ZNF273: variants seen among roughly 807,000 people sequenced by gnomAD.
ZNF273 encodes zinc finger protein 9.
Under a neutral mutation model 14.9 loss-of-function variants are expected in ZNF273, and 11 were observed. That is an observed-to-expected ratio of 0.74 (90% confidence interval 0.46 to 1.22). The LOEUF (loss-of-function observed/expected upper bound fraction) is 1.22. Among genes scored for constraint, ZNF273 ranks in the 50% most tolerant of loss-of-function variants. ZNF273 has a pLI of 0.00. For missense variants in ZNF273, 577 were observed against 660.6 expected (o/e 0.87, Z 1.39); for synonymous variants, 199 against 223.9 (o/e 0.89, Z 0.99).
At chr7:64,924,654 T>C (rs570013809) in intron 3 of ZNF273, among the ~76,000 whole-genome samples, 1 of 152,342 alleles carries the variant, frequency 6.6e-6, no homozygotes, top group African/African-American at 2.4e-5. Context: ...ACTTAAGATG[T>C]AGCTTGTGTA....
chr7:64,923,325 TTGTG>T (rs562829999), intron 3 of ZNF273: 7 of 454,156 alleles, frequency 1.5e-5, no homozygotes, highest in Admixed American at 2.4e-5. Flanking sequence ...GTTGTTTGTT[TTGTG>T]TGTGTGTGTG....
intron 3 of ZNF273, among the ~76,000 whole-genome samples, chr7:64,927,420 G>A (rs1358530386): frequency 1.3e-5 from 2 of 152,140 alleles, no homozygotes; most frequent in Non-Finnish European, 2.9e-5. Context: ...ATGGCTCTTT[G>A]CATTGTGCTT....
At chr7:64,908,025 T>A (rs1425523741) in intron 1 of ZNF273, among the ~76,000 whole-genome samples, 1 of 152,206 alleles carries the variant, frequency 6.6e-6, no homozygotes, top group African/African-American at 2.4e-5. Context: ...GATCCTGGTA[T>A]TTTTTGCCAA....
intron 3 of ZNF273, among the ~76,000 whole-genome samples, chr7:64,895,430 G>T (rs746250448): frequency 6.6e-6 from 1 of 152,220 alleles, no homozygotes; most frequent in Non-Finnish European, 1.5e-5. Context: ...AGTTGAATCT[G>T]CTCAACCTGT....
exon 2 of ZNF273, chr7:64,888,621 A>C: frequency 1.0e-6 from 1 of 985,758 alleles, no homozygotes; most frequent in Non-Finnish European, 1.2e-6. Context: ...ACCCAGCAGG[A>C]GCGGGGCGGC....
Position 64,912,846 on chromosome 7 carries a change from T to TTTTTTTTTTTG in ZNF273, c.103-4735_103-4734insTTTTTTTTTTG, listed in dbSNP as rs1562959220. ...TTTTAGTTTTTTTTTTTTTTTTTTT[T>TTTTTTTTTTTG]GAGATTGAGTTTCGCTCTGTCATCC... On this transcript the variant is annotated intron_variant, in intron 1 of 3. Coordinates refer to ENST00000476120, the MANE Select transcript of ZNF273 (RefSeq NM_021148.3). 2.0e-3 allele frequency among the ~76,000 whole-genome samples: 198 copies of TTTTTTTTTTTG among 98,232 alleles called. 40 individuals carry two copies. Among genetic ancestry groups the TTTTTTTTTTTG allele is most frequent in the Non-Finnish European group, 3.5e-3 (137 of 39,238 alleles). The allele number at this position is 98,232 out of a possible 152,430, so 64.4% of individuals were successfully genotyped here.
chr7:64,919,702 T>G (rs899128599), intron 3 of ZNF273, among the ~76,000 whole-genome samples: 1 of 152,200 alleles, frequency 6.6e-6, no homozygotes, highest in Admixed American at 6.5e-5. Context: ...TAAATAAGAT[T>G]GTTTTCTTCC....
Position 64,928,786 on chromosome 7 carries a change from C to T in ZNF273, c.1458C>T (p.Tyr486=). 6.2e-7 allele frequency: 1 copy of T among 1,613,686 alleles called. No homozygotes were observed. The highest frequency in any genetic ancestry group is 8.5e-7 in the Non-Finnish European group (1 of 1,179,918). The change falls in exon 4 of 4, where the codon TAC becomes TAT. Residue 486 remains tyrosine (Y), a synonymous_variant. Transcript: ENST00000476120. ...HKRVHTGEKP[Y]KCNECGKAFN... ...GAGTTCATACTGGAGAGAAACCTTACAAATGCAATGAATGTGGTAAAGCCT... is the reference window on the plus strand; with the variant it reads ...GAGTTCATACTGGAGAGAAACCTTATAAATGCAATGAATGTGGTAAAGCCT...
At chr7:64,922,327 TTTG>T (rs1462722696) in intron 3 of ZNF273, among the ~76,000 whole-genome samples, 2 of 151,774 alleles carry the variant, frequency 1.3e-5, no homozygotes, top group Admixed American at 6.6e-5. Context: ...TTTTTGTTTT[TTTG>T]TTTTTTTTTT....
At chr7:64,902,713 CAGAGAG>C (rs35692753), upstream of ZNF273, among the ~76,000 whole-genome samples, 1 of 151,848 alleles carries the variant, frequency 6.6e-6, no homozygotes, top group Non-Finnish European at 1.5e-5. Context: ...CCGAAAGAGA[CAGAGAG>C]AGAGAAAGAA....
chr7:64,912,826 G>GTTT lies in ZNF273; in HGVS notation c.103-4737_103-4735dup, dbSNP rs71061324. On this transcript the variant is annotated intron_variant, in intron 1 of 3. Transcript: ENST00000476120. ...TCTTTTTGACTCAGGATTCATTTTA[G>GTTT]TTTTTTTTTTTTTTTTTTTTGAGAT... Among the ~76,000 whole-genome samples the GTTT allele has an allele frequency of 6.8e-4, 25 of 36,576 alleles. 4 individuals are homozygous for GTTT. Among genetic ancestry groups the GTTT allele is most frequent in the African/African-American group, 1.1e-3 (14 of 12,220 alleles). The allele number at this position is 36,576 out of a possible 152,430, so 24.0% of individuals were successfully genotyped here. A position where few individuals can be genotyped will look rare whatever the true frequency, so the allele number is the denominator to read the frequency against.
chr7:64,889,529 G>T (rs1583962094), downstream of ZNF273: 8 of 985,802 alleles, frequency 8.1e-6, no homozygotes, highest in African/African-American at 1.2e-4. This position sits in a 1 kb window ranked among gnomAD's most constrained non-coding sequence, Gnocchi z 4.2. Context: ...GCAGCTCCTG[G>T]TGCCACGCGG....
Position 64,918,177 on chromosome 7 carries a change from A to G in ZNF273, c.230-20A>G. On this transcript the variant is annotated intron_variant, in intron 2 of 3. Coordinates refer to ENST00000476120, the MANE Select transcript of ZNF273 (RefSeq NM_021148.3). The stretch of plus-strand genomic sequence containing the variant: ...GGAGAATATGAGCAAGATTCATGTT[A>G]CTCATTTTTAATAAAACAGGTATTG... 6.5e-7 allele frequency: 1 copy of G among 1,543,868 alleles called. No individual in the cohort carries two copies. Among genetic ancestry groups the G allele is most frequent in the Non-Finnish European group, 8.8e-7 (1 of 1,137,780 alleles).
At chr7:64,894,629 A>C (rs1792250670), downstream of ZNF273, among the ~76,000 whole-genome samples, 1 of 152,192 alleles carries the variant, frequency 6.6e-6, no homozygotes, top group Non-Finnish European at 1.5e-5. Context: ...CTAAAAAAGT[A>C]AAATACTCTT....
chr7:64,888,343 T>G, intron 1 of ZNF273: 2 of 985,126 alleles, frequency 2.0e-6, no homozygotes, highest in Non-Finnish European at 2.4e-6. Flanking sequence ...GAGCTCAAAT[T>G]CCTGCTCCCA....
chr7:64,894,761 T>C (rs2129047221), downstream of ZNF273, among the ~76,000 whole-genome samples: 1 of 152,316 alleles, frequency 6.6e-6, no homozygotes, highest in Admixed American at 6.5e-5. Context: ...TTATGATTTT[T>C]AACTACAGTG....
intron 1 of ZNF273, among the ~76,000 whole-genome samples, chr7:64,886,512 A>G (rs2129036093): frequency 6.6e-6 from 1 of 152,346 alleles, no homozygotes; most frequent in South Asian, 2.1e-4. Flanking sequence ...TTTACTGGGC[A>G]CCTGGTGCAG....
intron 1 of ZNF273, among the ~76,000 whole-genome samples, chr7:64,886,057 G>C (rs117394523): frequency 0.012 from 1,666 of 137,576 alleles, 23 homozygotes; most frequent in Admixed American, 0.029. Flanking sequence ...AGGCTTAGGT[G>C]GGGGAAACCA....
downstream of ZNF273, among the ~76,000 whole-genome samples, chr7:64,934,350 C>T (rs1262105503): frequency 6.6e-6 from 1 of 151,970 alleles, no homozygotes; most frequent in East Asian, 1.9e-4. Context: ...TCAATTTTGC[C>T]TTTGATTCTC....
Sources: allele counts gnomAD v4.1 joint callset (sites outside exome capture counted in the v4.1 genomes callset), GRCh38; gene constraint gnomAD v4.1.1; non-coding constraint Gnocchi (gnomAD v3.1); transcripts MANE v1.5; gene names NCBI Gene and HGNC (gene_info 2026-07-23, HGNC 2026-07-21).